Variants in PCDH9 observed in about 807,000 individuals in gnomAD.
PCDH9 encodes the protein protocadherin-9.
PCDH9 carries 24 observed loss-of-function variants against 70.6 expected under a neutral mutation model. The ratio of observed to expected loss-of-function variants is 0.34; its 90% confidence interval spans 0.25 to 0.48. PCDH9 has a LOEUF of 0.48. PCDH9 is among the 20% of genes least tolerant of loss of function. The probability of loss-of-function intolerance (pLI) is 0.99; values close to 1 mark genes in which losing one functional copy is unlikely to be tolerated. For synonymous variants in PCDH9, 562 were observed against 558.5 expected (o/e 1.01, Z -0.09); for missense variants, 1,281 against 1,503.6 (o/e 0.85, Z 2.45).
At chr13:67,079,541 A>T (rs2085943297) in intron 2 of PCDH9, among the ~76,000 whole-genome samples, 1 of 152,202 alleles carries the variant, frequency 6.6e-6, no homozygotes, top group Non-Finnish European at 1.5e-5. Flanking sequence ...CATATAGCAG[A>T]TGCTGAAGGA....
chr13:66,664,118 C>A (rs7987368), intron 3 of PCDH9, among the ~76,000 whole-genome samples: 10 of 151,984 alleles, frequency 6.6e-5, no homozygotes, highest in African/African-American at 2.4e-4. Context: ...ACTAATTGGC[C>A]TACAGTAATT....
chr13:67,164,123 A>T (rs573250564), intron 2 of PCDH9, among the ~76,000 whole-genome samples: 1 of 152,226 alleles, frequency 6.6e-6, no homozygotes, highest in African/African-American at 2.4e-5. Context: ...TGCAATCATA[A>T]TGCATCTTCA....
intron 4 of PCDH9, among the ~76,000 whole-genome samples, chr13:66,482,475 A>C (rs997408565): frequency 3.3e-5 from 5 of 152,202 alleles, no homozygotes; most frequent in Admixed American, 6.5e-5. Context: ...TACCACCCTT[A>C]GCTGCAGGAA....
chr13:66,653,696 G>A (rs751933801), intron 3 of PCDH9, among the ~76,000 whole-genome samples: 2 of 151,996 alleles, frequency 1.3e-5, no homozygotes, highest in Non-Finnish European at 2.9e-5. Flanking sequence ...CGCCGGGCAC[G>A]GTGGCTCATG....
intron 3 of PCDH9, among the ~76,000 whole-genome samples, chr13:66,790,742 CAT>C (rs1455425432): frequency 6.6e-6 from 1 of 151,982 alleles, no homozygotes; most frequent in Non-Finnish European, 1.5e-5. Flanking sequence ...TGCCCAATCT[CAT>C]ATATAATTCC....
intron 2 of PCDH9, among the ~76,000 whole-genome samples, chr13:67,160,960 G>A (rs1320193012): frequency 1.3e-5 from 2 of 152,176 alleles, no homozygotes; most frequent in East Asian, 3.9e-4. Context: ...AGTAGCATGG[G>A]GACATTTATT....
intron 3 of PCDH9, among the ~76,000 whole-genome samples, chr13:66,816,846 G>C (rs2080613760): frequency 7.2e-6 from 1 of 138,026 alleles, no homozygotes; most frequent in African/African-American, 2.5e-5. Context: ...ACAAGTTTTT[G>C]TAAAACAAGG....
chr13:67,082,924 G>T (rs7322331), intron 2 of PCDH9, among the ~76,000 whole-genome samples: 15,471 of 152,030 alleles, frequency 0.1, 867 homozygotes, highest in South Asian at 0.14. Context: ...TTCTGACATT[G>T]ATTCTATTTG....
intron 3 of PCDH9, among the ~76,000 whole-genome samples, chr13:66,730,897 T>TTTTTTTTTTTTTTTG (rs1555262885): frequency 6.2e-5 from 8 of 129,128 alleles, no homozygotes; most frequent in Non-Finnish European, 1.1e-4. Flanking sequence ...GTTTGTTTCT[T>TTTTTTTTTTTTTTTG]TTTTTTTGTG....
intron 4 of PCDH9, among the ~76,000 whole-genome samples, chr13:66,555,900 T>TATAAGATATATACATATTATATAC (rs1393244731): frequency 6.7e-6 from 1 of 148,208 alleles, no homozygotes; most frequent in African/African-American, 2.4e-5. Context: ...TATATATATA[T>TATAAGATATATACATATTATATAC]ATAAGATATA....
At chr13:66,998,679 C>T (rs2084172985) in intron 2 of PCDH9, among the ~76,000 whole-genome samples, 1 of 152,204 alleles carries the variant, frequency 6.6e-6, no homozygotes, top group Non-Finnish European at 1.5e-5. Flanking sequence ...AGGTCCACTT[C>T]TACTCACACA....
intron 4 of PCDH9, among the ~76,000 whole-genome samples, chr13:66,337,899 C>T (rs904817971): frequency 1.3e-5 from 2 of 151,928 alleles, no homozygotes; most frequent in African/African-American, 4.8e-5. Context: ...CTCAAAATAC[C>T]ACTAAGAATA....
chr13:66,586,403 A>T (rs561952341), intron 4 of PCDH9, among the ~76,000 whole-genome samples: 4 of 152,298 alleles, frequency 2.6e-5, no homozygotes, highest in Non-Finnish European at 5.9e-5. Flanking sequence ...TAATGATGTG[A>T]CATTATATGC....
chr13:66,888,506 T>TAAATAAAA (rs1242343350), intron 3 of PCDH9, among the ~76,000 whole-genome samples: 2 of 144,664 alleles, frequency 1.4e-5, no homozygotes, highest in East Asian at 4.0e-4. Flanking sequence ...AAATAAAATA[T>TAAATAAAA]AAATAAAAAA....
At chr13:66,350,985 G>T (rs1003848469) in intron 4 of PCDH9, among the ~76,000 whole-genome samples, 1 of 152,084 alleles carries the variant, frequency 6.6e-6, no homozygotes, top group Non-Finnish European at 1.5e-5. Context: ...CATGTCTACA[G>T]GTCCTACGAA....
At chr13:66,571,444 C>A (rs988870091) in intron 4 of PCDH9, among the ~76,000 whole-genome samples, 2 of 151,478 alleles carry the variant, frequency 1.3e-5, no homozygotes, top group African/African-American at 2.4e-5. Context: ...AATGTTATGG[C>A]AAAATATAAG....
At chr13:67,115,405 T>G (rs145011232) in intron 2 of PCDH9, among the ~76,000 whole-genome samples, 1 of 152,324 alleles carries the variant, frequency 6.6e-6, no homozygotes, top group Non-Finnish European at 1.5e-5. Flanking sequence ...ATGCATGTTC[T>G]GTGCAACCCA....
chr13:67,049,340 T>A (rs2085280730), intron 2 of PCDH9, among the ~76,000 whole-genome samples: 1 of 152,198 alleles, frequency 6.6e-6, no homozygotes, highest in South Asian at 2.1e-4. Context: ...AGTAGCAATA[T>A]GTAAACTGTG....
At chr13:66,724,484 T>C (rs1016264949) in intron 3 of PCDH9, among the ~76,000 whole-genome samples, 13 of 152,210 alleles carry the variant, frequency 8.5e-5, no homozygotes, top group African/African-American at 2.9e-4. Flanking sequence ...ATGACTATCT[T>C]ATCTATTGCA....
Sources: allele counts gnomAD v4.1 joint callset (sites outside exome capture counted in the v4.1 genomes callset), GRCh38; gene constraint gnomAD v4.1.1; transcripts MANE v1.5; gene names NCBI Gene and HGNC (gene_info 2026-07-23, HGNC 2026-07-21).